Variants in ANKRD30B observed in about 807,000 individuals in gnomAD.
ANKRD30B encodes the protein ankyrin repeat domain-containing protein 30B.
In ANKRD30B, 144 loss-of-function variants were observed where a neutral mutation model predicts 202.2. The observed-to-expected ratio is 0.71, with a 90% confidence interval of 0.62 to 0.82. The LOEUF is 0.82. Ranked by LOEUF, ANKRD30B falls within the 40% of genes least tolerant of loss-of-function variation. The pLI is 0.00. For synonymous variants in ANKRD30B, 508 were observed against 561.3 expected (o/e 0.91, Z 1.34); for missense variants, 1,487 against 1,669.1 (o/e 0.89, Z 1.90).
At chr18:14,827,360 A>C in intron 32 of ANKRD30B, among the ~76,000 whole-genome samples, 1 of 152,178 alleles carries the variant, frequency 6.6e-6, no homozygotes, top group Non-Finnish European at 1.5e-5. Context: ...TTTTTGGACT[A>C]TCATTGACCA....
chr18:14,860,850 G>A, the ANKRD30B span, among the ~76,000 whole-genome samples: 2 of 151,944 alleles, frequency 1.3e-5, no homozygotes, highest in South Asian at 2.1e-4. Flanking sequence ...GATTGCAGGT[G>A]TGCACCACCA....
At chr18:14,924,493 C>T in the ANKRD30B span, among the ~76,000 whole-genome samples, 1 of 152,194 alleles carries the variant, frequency 6.6e-6, no homozygotes, top group Non-Finnish European at 1.5e-5. Flanking sequence ...AGATCCACAC[C>T]AAGCTCCATC....
At chr18:14,911,840 T>G in the ANKRD30B span, among the ~76,000 whole-genome samples, 9 of 152,198 alleles carry the variant, frequency 5.9e-5, no homozygotes, top group Admixed American at 2.0e-4. Context: ...ATATTTCACT[T>G]CTTTGCTTAC....
At chr18:14,937,464 C>T in the ANKRD30B span, among the ~76,000 whole-genome samples, 432 of 41,140 alleles carry the variant, frequency 0.011, 1 homozygote, top group Non-Finnish European at 0.017. Flanking sequence ...TGCATACAGG[C>T]CACGTCCTCC....
intron 33 of ANKRD30B, among the ~76,000 whole-genome samples, chr18:14,831,181 G>GGAAAAAAAA (rs1267118242): frequency 3.4e-4 from 18 of 52,350 alleles, no homozygotes; most frequent in Admixed American, 8.9e-4. Flanking sequence ...CTCCGTCTCG[G>GGAAAAAAAA]AAAAAAAAAA....
rs755890819 is a variant in ANKRD30B at position 14,852,103 on chromosome 18, C to T, written c.4159C>T (p.Arg1387Ter). ...GGTTTCAGAACATGCACAAAGAGAC[C>T]GATGTGAAACACAGTGTCAAATGAA... is the stretch of plus-strand genomic sequence containing the variant. ...ALVSEHAQRD[R>*]CETQCQMKKA... Residue 1387 changes from arginine (R) to a stop codon, truncating the protein, a stop_gained, in exon 42 of 44, where the codon CGA becomes TGA. Transcript: ENST00000690538. LOFTEE classifies it high-confidence loss of function. The T allele has an allele frequency of 1.1e-5, 17 of 1,607,338 alleles. No individual in the cohort carries two copies. The highest frequency in any genetic ancestry group is 1.0e-4 in the Admixed American group (6 of 59,660).
downstream of ANKRD30B, among the ~76,000 whole-genome samples, chr18:14,858,686 A>T (rs1972137883): frequency 7.6e-6 from 1 of 132,072 alleles, no homozygotes; most frequent in East Asian, 2.3e-4. Context: ...ATCCCAGACG[A>T]TGGGTGGCCG....
At chr18:14,780,198 A>G (rs1967635293) in intron 11 of ANKRD30B, among the ~76,000 whole-genome samples, 177 bp downstream of exon 11, 1 of 152,208 alleles carries the variant, frequency 6.6e-6, no homozygotes, top group African/African-American at 2.4e-5. Context: ...TAATGCCAGC[A>G]TTTTGGGAGG....
At chr18:14,870,035 C>T in the ANKRD30B span, among the ~76,000 whole-genome samples, 8 of 152,104 alleles carry the variant, frequency 5.3e-5, no homozygotes, top group Non-Finnish European at 1.2e-4. Flanking sequence ...GAGGTTTCAC[C>T]ATATTGATCA....
intron 24 of ANKRD30B, among the ~76,000 whole-genome samples, chr18:14,805,016 A>G (rs1480550751): frequency 2.7e-5 from 4 of 150,716 alleles, no homozygotes; most frequent in Non-Finnish European, 5.9e-5. Context: ...CTAGAATAGG[A>G]CTAAACCTCA....
At chr18:14,829,186 C>A (rs1318205025) in intron 33 of ANKRD30B, among the ~76,000 whole-genome samples, 5 of 152,160 alleles carry the variant, frequency 3.3e-5, no homozygotes, top group South Asian at 4.1e-4. Flanking sequence ...AATTAAAGCA[C>A]ATGGAATTTT....
chr18:14,827,068 A>C (rs1177719787), intron 32 of ANKRD30B, among the ~76,000 whole-genome samples: 1 of 152,096 alleles, frequency 6.6e-6, no homozygotes, highest in East Asian at 1.9e-4. Flanking sequence ...AGGAGTTGTC[A>C]TGTGGTGTTA....
chr18:14,754,894 T>A lies in ANKRD30B; in HGVS notation c.511-5T>A, dbSNP rs775074362. The A allele has an allele frequency of 3.3e-6, 5 of 1,511,556 alleles. No individual in the cohort carries two copies. In the African/African-American group the frequency reaches 7.1e-5, roughly 21 times the overall value. The allele number at this position is 1,511,556 out of a possible 1,614,324, so 93.6% of individuals were successfully genotyped here. A position where few individuals can be genotyped will look rare whatever the true frequency, so the allele number is the denominator to read the frequency against. On this transcript the variant is annotated splice_polypyrimidine_tract_variant and splice_region_variant and intron_variant, in intron 3 of 43. Coordinates refer to ENST00000690538, the MANE Select transcript of ANKRD30B (RefSeq NM_001367607.2). ...TGAATTATATATTGTTCTGCTATTTTACAGGCTAGCCTCACACCCCTTTTA... is the reference window on the plus strand; with the variant it reads ...TGAATTATATATTGTTCTGCTATTTAACAGGCTAGCCTCACACCCCTTTTA...
At chr18:14,913,720 G>C in the ANKRD30B span, among the ~76,000 whole-genome samples, 2 of 152,092 alleles carry the variant, frequency 1.3e-5, no homozygotes, top group Non-Finnish European at 2.9e-5. Flanking sequence ...GCCTGTCTGG[G>C]GTCACTCTGA....
chr18:14,831,579 CAT>C (rs1970942258), intron 34 of ANKRD30B, 124 bp downstream of exon 34: 1 of 512,610 alleles, frequency 2.0e-6, no homozygotes, highest in Non-Finnish European at 3.4e-6. Context: ...AAGTTGGTCA[CAT>C]AAAAACATTT....
At chr18:14,878,557 C>G in the ANKRD30B span, among the ~76,000 whole-genome samples, 1 of 152,034 alleles carries the variant, frequency 6.6e-6, no homozygotes, top group East Asian at 1.9e-4. Flanking sequence ...ATCCGAATAA[C>G]AGGGCTGATG....
intron 40 of ANKRD30B, 114 bp from the exon 41 acceptor site, chr18:14,850,100 T>C (rs1050564754): frequency 1.3e-6 from 1 of 786,676 alleles, no homozygotes; most frequent in Non-Finnish European, 1.8e-6. Flanking sequence ...AAAAAAAAAT[T>C]CAGGAATATA....
chr18:14,769,733 G>A (rs1220999178), intron 8 of ANKRD30B, among the ~76,000 whole-genome samples: 1 of 152,142 alleles, frequency 6.6e-6, no homozygotes, highest in East Asian at 1.9e-4. Context: ...GGTCCAGATT[G>A]GATCAATTCA....
At chr18:14,925,615 A>G in the ANKRD30B span, among the ~76,000 whole-genome samples, 6 of 152,224 alleles carry the variant, frequency 3.9e-5, no homozygotes, top group African/African-American at 1.4e-4. Context: ...GCCAGCTCTG[A>G]GGGAAGAGTG....
Sources: allele counts gnomAD v4.1 joint callset (sites outside exome capture counted in the v4.1 genomes callset), GRCh38; gene constraint gnomAD v4.1.1; transcripts MANE v1.5; gene names NCBI Gene and HGNC (gene_info 2026-07-23, HGNC 2026-07-21).